MAPKAP1: variants seen among roughly 807,000 people sequenced by gnomAD.
MAPKAP1 encodes the protein target of rapamycin complex 2 subunit MAPKAP1.
MAPKAP1 carries 20 observed loss-of-function variants against 65.7 expected under a neutral mutation model. That is an observed-to-expected ratio of 0.30 (90% CI 0.21 to 0.44). MAPKAP1 has a LOEUF of 0.44. Ranked by LOEUF, MAPKAP1 falls within the 20% of genes least tolerant of loss-of-function variation. The pLI, the probability that MAPKAP1 is intolerant of heterozygous loss-of-function variation, is 1.00. For synonymous variants in MAPKAP1, 222 were observed against 244.3 expected (o/e 0.91, Z 0.85); for missense variants, 423 against 648.0 (o/e 0.65, Z 3.77).
chr9:125,494,220 A>T (rs1445795301), intron 8 of MAPKAP1, among the ~76,000 whole-genome samples: 4 of 152,068 alleles, frequency 2.6e-5, no homozygotes, highest in African/African-American at 9.7e-5. Flanking sequence ...CTTCTATTAA[A>T]CACTTCCCTT....
chr9:125,605,115 G>A (rs1009531242), intron 4 of MAPKAP1, among the ~76,000 whole-genome samples: 2 of 152,248 alleles, frequency 1.3e-5, no homozygotes. Context: ...ATAATTTAAC[G>A]AGAAAATATA....
intron 10 of MAPKAP1, among the ~76,000 whole-genome samples, chr9:125,466,812 G>A (rs1853698919): frequency 6.6e-6 from 1 of 152,172 alleles, no homozygotes; most frequent in Non-Finnish European, 1.5e-5. Context: ...AGGCGAATGA[G>A]CTGAACACAT....
intron 4 of MAPKAP1, among the ~76,000 whole-genome samples, chr9:125,654,813 T>C (rs1833985745): frequency 6.6e-6 from 1 of 152,188 alleles, no homozygotes; most frequent in Non-Finnish European, 1.5e-5. Flanking sequence ...AGTAAAGCCA[T>C]AGCAAAAGCA....
In MAPKAP1 at chr9:125,685,748, C is replaced by T. The variant is rs553986127; in HGVS notation, c.-69-13105G>A. Among the ~76,000 whole-genome samples, 46 of 152,288 alleles carry T rather than the reference C, an allele frequency of 3.0e-4. No homozygotes were observed. The South Asian group carries it at 9.1e-3, about 30-fold the overall frequency. ...GACTATCTTACCCATCACTATGCTG[C>T]CAGTTTCTAGTATATGTGGATGGCA... On this transcript the variant is annotated intron_variant, in intron 1 of 11. Transcript: ENST00000265960.
chr9:125,543,955 A>G (rs1830342390), intron 6 of MAPKAP1, among the ~76,000 whole-genome samples: 1 of 152,220 alleles, frequency 6.6e-6, no homozygotes, highest in South Asian at 2.1e-4. Flanking sequence ...GTAATACCCC[A>G]AAGTAATTGA....
In MAPKAP1 at chr9:125,585,691, C is replaced by T. The variant is rs1289513934; in HGVS notation, c.535G>A (p.Val179Ile). The T allele has an allele frequency of 6.2e-7, 1 of 1,614,216 alleles. No individual in the cohort carries two copies. Among genetic ancestry groups the T allele is most frequent in the East Asian group, 2.2e-5 (1 of 44,878 alleles). Residue 179 changes from valine (V) to isoleucine (I), a missense_variant, in exon 5 of 12, where the codon GTC (valine) becomes ATC (isoleucine). Around this residue, in one of 6 missense-constraint regions of MAPKAP1, gnomAD observed 98 missense variants for 200.5 expected, o/e 0.49. Coordinates refer to ENST00000265960, the MANE Select transcript of MAPKAP1 (RefSeq NM_001006617.3). Reference protein sequence around the residue: ...VGTTATKKIDVYLPLHSSQDR... With the variant: ...VGTTATKKIDIYLPLHSSQDR... ...TGGCTCGAGTGCAGAGGGAGGTAGA[C>T]ATCGATCTTCTTGGTTGCTGTTGTA...
intron 7 of MAPKAP1, among the ~76,000 whole-genome samples, chr9:125,517,918 C>CA (rs1829509031): frequency 6.6e-6 from 1 of 152,040 alleles, no homozygotes; most frequent in Admixed American, 6.5e-5. Flanking sequence ...TCATTCCCCC[C>CA]ACCTAGCCAG....
intron 7 of MAPKAP1, among the ~76,000 whole-genome samples, chr9:125,541,298 G>T (rs1830240281): frequency 6.6e-6 from 1 of 152,146 alleles, no homozygotes; most frequent in Non-Finnish European, 1.5e-5. Context: ...GGAGACAGAA[G>T]GAAAGATACT....
At chr9:125,491,793 C>CA (rs376148749) in intron 8 of MAPKAP1, among the ~76,000 whole-genome samples, 3,300 of 147,124 alleles carry the variant, frequency 0.022, 48 homozygotes, top group African/African-American at 0.026. Flanking sequence ...ACCAAAAAAA[C>CA]AAAAAAAAAC....
chr9:125,697,139 A>C (rs542177967), intron 1 of MAPKAP1, among the ~76,000 whole-genome samples: 3 of 152,354 alleles, frequency 2.0e-5, no homozygotes, highest in African/African-American at 7.2e-5. Context: ...GGGGAAAAGA[A>C]GGCTTTCCTG....
At chr9:125,697,657 A>C (rs1835425516) in intron 1 of MAPKAP1, among the ~76,000 whole-genome samples, 1 of 152,224 alleles carries the variant, frequency 6.6e-6, no homozygotes, top group Non-Finnish European at 1.5e-5. Flanking sequence ...TTTGAACACG[A>C]ATATCTTTCG....
At chr9:125,616,328 A>G (rs1413128063) in intron 4 of MAPKAP1, among the ~76,000 whole-genome samples, 1 of 152,218 alleles carries the variant, frequency 6.6e-6, no homozygotes, top group African/African-American at 2.4e-5. Flanking sequence ...GAACACAAAA[A>G]GCAATAATGA....
At chr9:125,517,736 C>T (rs749756816) in intron 7 of MAPKAP1, among the ~76,000 whole-genome samples, 26 of 152,194 alleles carry the variant, frequency 1.7e-4, no homozygotes, top group Non-Finnish European at 3.4e-4. Flanking sequence ...CCTAGCCTCA[C>T]GAATGGGCTC....
At chr9:125,562,880 C>CA (rs1259701607) in intron 5 of MAPKAP1, among the ~76,000 whole-genome samples, 1 of 152,158 alleles carries the variant, frequency 6.6e-6, no homozygotes, top group Non-Finnish European at 1.5e-5. Context: ...TCCAGGCAGC[C>CA]AAGAGCTGTC....
intron 4 of MAPKAP1, among the ~76,000 whole-genome samples, chr9:125,629,923 C>T (rs1206365239): frequency 1.3e-5 from 2 of 152,118 alleles, no homozygotes; most frequent in Non-Finnish European, 2.9e-5. Flanking sequence ...TTTGTAAACA[C>T]ACAATTTATA....
intron 5 of MAPKAP1, among the ~76,000 whole-genome samples, chr9:125,584,970 T>C (rs997041521): frequency 2.6e-5 from 4 of 152,188 alleles, no homozygotes; most frequent in African/African-American, 4.8e-5. Flanking sequence ...GAGAGAAAAT[T>C]AGAACCATTA....
At chr9:125,626,763 T>C (rs925649362) in intron 4 of MAPKAP1, among the ~76,000 whole-genome samples, 1 of 152,254 alleles carries the variant, frequency 6.6e-6, no homozygotes, top group Non-Finnish European at 1.5e-5. Flanking sequence ...ATTCCATTTT[T>C]CTGATTTATT....
At chr9:125,477,269 G>T (rs368023902) in intron 9 of MAPKAP1, among the ~76,000 whole-genome samples, 3 of 152,114 alleles carry the variant, frequency 2.0e-5, no homozygotes, top group African/African-American at 7.2e-5. Context: ...GGTGACATGG[G>T]AACGGTCTAC....
chr9:125,503,983 C>G (rs891026875), intron 8 of MAPKAP1, among the ~76,000 whole-genome samples: 1 of 148,572 alleles, frequency 6.7e-6, no homozygotes, highest in East Asian at 2.1e-4. Flanking sequence ...GTAAACCACT[C>G]ACCTCAGCCT....
Sources: gnomAD v4.1 joint callset for allele counts (sites outside exome capture counted in the v4.1 genomes callset) on GRCh38, gnomAD v4.1.1 for gene constraint, gnomAD v4.1.1 regional missense constraint, MANE v1.5 for transcripts, NCBI Gene and HGNC (gene_info 2026-07-23, HGNC 2026-07-21) for gene names.